SLC5A10: variants seen among roughly 807,000 people sequenced by gnomAD.
SLC5A10 encodes the protein sodium/mannose cotransporter SLC5A10.
SLC5A10 carries 55 observed loss-of-function variants against 68.9 expected under a neutral mutation model. That is an observed-to-expected ratio of 0.80 (90% confidence interval 0.64 to 1.00). The LOEUF (loss-of-function observed/expected upper bound fraction) is 1.00. Among genes scored for constraint, SLC5A10 ranks in the 50% least tolerant of loss-of-function variants. The pLI is 0.00. For missense variants in SLC5A10, 732 were observed against 819.3 expected (o/e 0.89, Z 1.30); for synonymous variants, 344 against 344.8 (o/e 1.00, Z 0.02).
In SLC5A10 at chr17:19,020,198, TGGGAACTAAAGCA is replaced by T; in HGVS notation, c.1673_1684+1del. The T allele has an allele frequency of 6.2e-7, 1 of 1,609,526 alleles. No individual in the cohort carries two copies. Among genetic ancestry groups the T allele is most frequent in the Non-Finnish European group, 8.5e-7 (1 of 1,177,486 alleles). On this transcript the variant is annotated frameshift_variant and splice_region_variant, in exon 14 of 15. Coordinates refer to ENST00000395645, the MANE Select transcript of SLC5A10 (RefSeq NM_001042450.4). LOFTEE classifies it low-confidence loss of function (END_TRUNC). ...TGGACCCTGGCTCAGGATGTGCCCT[TGGGAACTAAAGCA>T]GGTAAGTGGATGACCCTAGGCACTC...
At position 19,020,478 on chromosome 17, in the gene SLC5A10, C is replaced by T. The variant is rs1236108144; in HGVS notation, c.*47C>T. ...GGCAGGAGCTCTGAGTCCTCAGGTC[C>T]ACCCATTTCCCTCATGGGGATCCCG... On this transcript the variant is annotated 3_prime_UTR_variant, in exon 15 of 15. Transcript: ENST00000395645. 2 of 1,575,030 alleles carry T rather than the reference C, an allele frequency of 1.3e-6. No individual in the cohort carries two copies. The highest frequency in any genetic ancestry group is 1.7e-6 in the Non-Finnish European group (2 of 1,147,458).
intron 9 of SLC5A10, among the ~76,000 whole-genome samples, chr17:18,990,435 C>G (rs958555699): frequency 5.3e-5 from 8 of 152,212 alleles, no homozygotes; most frequent in African/African-American, 1.9e-4. Context: ...TCTGAGCAGG[C>G]AAACAGCCTC....
chr17:19,019,681 A>AT, intron 12 of SLC5A10, 32 bp from the exon 13 acceptor site: 2 of 1,603,876 alleles, frequency 1.2e-6, no homozygotes, highest in Non-Finnish European at 1.7e-6. Flanking sequence ...CTCCTCCCGT[A>AT]GCCCCACATG....
At position 18,958,406 on chromosome 17, in the gene SLC5A10, T is replaced by C. The variant is rs1001846893; in HGVS notation, c.112-276T>C. ...CTGAATAATATTTCTTTATATAGGA[T>C]ATACCACATTTTGTTTATTTACTCA... On this transcript the variant is annotated intron_variant, in intron 1 of 14. Transcript: ENST00000395645. Among the ~76,000 whole-genome samples the C allele has an allele frequency of 2.0e-5, 3 of 152,258 alleles. 1 individual carries two copies. In the South Asian group the frequency reaches 6.2e-4, roughly 31 times the overall value.
chr17:19,003,387 G>T lies in SLC5A10; in HGVS notation c.983-10023G>T. 2.0e-6 allele frequency: 2 copies of T among 985,950 alleles called. No homozygotes were observed. The highest frequency in any genetic ancestry group is 2.7e-6 in the Non-Finnish European group (2 of 732,202). The allele number at this position is 985,950 out of a possible 1,614,324, so 61.1% of individuals were successfully genotyped here. On this transcript the variant is annotated intron_variant, in intron 9 of 14. Transcript: ENST00000395645. The surrounding 1 kb of genome is among the most constrained non-coding windows in gnomAD (Gnocchi z 4.5). ...TGGGGAGGAAACCTCCACCCAAGAG[G>T]CAGCCAGGGAAAACAGCAGAGATCC...
At chr17:18,979,460 C>G in intron 9 of SLC5A10, 1 of 1,501,340 alleles carries the variant, frequency 6.7e-7, no homozygotes, top group Non-Finnish European at 9.0e-7. Context: ...ACCAATGAAC[C>G]GGAATAACCA....
Position 18,978,112 on chromosome 17 carries a change from C to T in SLC5A10, c.982+1123C>T, listed in dbSNP as rs763753046. On this transcript the variant is annotated intron_variant, in intron 9 of 14. Transcript: ENST00000395645. The stretch of plus-strand genomic sequence containing the variant: ...GGACCCAGCCAATATCACTGCTGTC[C>T]CGGGCTAGTACATCTGCCACAGGGA... The T allele has an allele frequency of 2.6e-6, 4 of 1,517,354 alleles. No individual in the cohort carries two copies. In the Admixed American group the frequency reaches 8.7e-5, roughly 33 times the overall value. The allele number at this position is 1,517,354 out of a possible 1,614,324, so 94.0% of individuals were successfully genotyped here. A position where few individuals can be genotyped will look rare whatever the true frequency, so the allele number is the denominator to read the frequency against.
chr17:18,976,374 G>C (rs2042981279), intron 8 of SLC5A10: 1 of 153,670 alleles, frequency 6.5e-6, no homozygotes. Context: ...CTCTGCTACT[G>C]AACTGCAAGC....
chr17:19,019,500 T>C lies in SLC5A10; in HGVS notation c.1319T>C (p.Phe440Ser). 3 of 1,612,518 alleles carry C rather than the reference T, an allele frequency of 1.9e-6. No homozygotes were observed. Among genetic ancestry groups the C allele is most frequent in the Non-Finnish European group, 2.5e-6 (3 of 1,179,932 alleles). The change falls in exon 12 of 15, where the codon TTC becomes TCC. Residue 440 changes from phenylalanine to serine, a missense_variant. Transcript: ENST00000395645. ...VLQDSNSGQL[F>S]IYMQSVTSSL... The stretch of plus-strand genomic sequence containing the variant: ...CAGGACTCCAACAGCGGGCAACTCT[T>C]CATCTACATGCAGTCAGTGACCAGC...
intron 11 of SLC5A10, chr17:19,019,152 G>C (rs970227370): frequency 1.4e-5 from 6 of 436,786 alleles, no homozygotes; most frequent in African/African-American, 1.2e-4. Flanking sequence ...GGAGCTCCAA[G>C]GGCTGGCTCC....
At chr17:18,969,699 C>G (rs923138774) in intron 7 of SLC5A10, 3 of 403,914 alleles carry the variant, frequency 7.4e-6, no homozygotes, top group Non-Finnish European at 1.3e-5. Flanking sequence ...GCCAGCCACA[C>G]CCGCATTGGC....
chr17:19,014,125 G>A (rs754611810), intron 10 of SLC5A10, among the ~76,000 whole-genome samples: 47 of 152,210 alleles, frequency 3.1e-4, no homozygotes, highest in Middle Eastern at 6.3e-3. Context: ...TGTGCCTTCC[G>A]GGCAGGGGGG....
At position 19,003,845 on chromosome 17, in the gene SLC5A10, C is replaced by A; in HGVS notation, c.983-9565C>A. ...GTACACCTCGATGGTCTCCAGGATG[C>A]GCTTGAGCTCCAGCTCCGAGAGGAA... On this transcript the variant is annotated intron_variant, in intron 9 of 14. Coordinates refer to ENST00000395645, the MANE Select transcript of SLC5A10 (RefSeq NM_001042450.4). The surrounding 1 kb of genome is among the most constrained non-coding windows in gnomAD (Gnocchi z 4.5). 6.2e-7 allele frequency: 1 copy of A among 1,613,030 alleles called. No homozygotes were observed. The highest frequency in any genetic ancestry group is 1.7e-5 in the Admixed American group (1 of 60,020).
At position 18,971,568 on chromosome 17, in the gene SLC5A10, G is replaced by A. The variant is rs781180937; in HGVS notation, c.846+350G>A. ...AGTCTTGGGCTGCCGGGATCCGGAA[G>A]CAGGCGGGGTACCTGACCTCCCTTG... On this transcript the variant is annotated intron_variant, in intron 8 of 14. Transcript: ENST00000395645. The surrounding 1 kb of genome is among the most constrained non-coding windows in gnomAD (Gnocchi z 5.5). 6 of 1,613,788 alleles carry A rather than the reference G, an allele frequency of 3.7e-6. No homozygotes were observed. The highest frequency in any genetic ancestry group is 2.2e-5 in the South Asian group (2 of 91,078).
rs199657397 is a variant in SLC5A10 at position 18,988,352 on chromosome 17, G to A, written c.982+11363G>A. 1.8e-4 allele frequency: 285 copies of A among 1,614,212 alleles called. 1 individual carries two copies. In the East Asian group the frequency reaches 3.1e-3, roughly 17 times the overall value. ...ACACGGCCACTTTCCTCTTGAAGCC[G>A]GCGTCCAGCAGGTCCTTGAAGATGT... On this transcript the variant is annotated intron_variant, in intron 9 of 14. Transcript: ENST00000395645.
At chr17:18,984,039 C>T (rs565875283) in intron 9 of SLC5A10, among the ~76,000 whole-genome samples, 4 of 152,292 alleles carry the variant, frequency 2.6e-5, no homozygotes, top group East Asian at 3.9e-4. Flanking sequence ...GTGAATCCCC[C>T]CCGTTTGAGA....
In SLC5A10 at chr17:18,971,522, A is replaced by T. The variant is rs994987012; in HGVS notation, c.846+304A>T. Reference sequence around the variant, plus strand: ...CTCCTCGGTGGCCCTGCCATCGGTCATGGGGCGGGCATTTTGGGCCAGTCT... The same window carrying T: ...CTCCTCGGTGGCCCTGCCATCGGTCTTGGGGCGGGCATTTTGGGCCAGTCT... On this transcript the variant is annotated intron_variant, in intron 8 of 14. Coordinates refer to ENST00000395645, the MANE Select transcript of SLC5A10 (RefSeq NM_001042450.4). The surrounding 1 kb of genome is among the most constrained non-coding windows in gnomAD (Gnocchi z 5.5). 3.1e-6 allele frequency: 5 copies of T among 1,613,850 alleles called. No homozygotes were observed. In the African/African-American group the frequency reaches 6.7e-5, roughly 22 times the overall value.
intron 9 of SLC5A10, chr17:18,977,693 G>A: frequency 6.2e-7 from 1 of 1,610,506 alleles, no homozygotes; most frequent in Non-Finnish European, 8.5e-7. Context: ...TCCAACAAAG[G>A]TCCCTCGGGT....
intron 6 of SLC5A10, 38 bp downstream of exon 6, chr17:18,969,195 G>C (rs767087906): frequency 2.5e-6 from 4 of 1,604,402 alleles, no homozygotes; most frequent in South Asian, 2.2e-5. Flanking sequence ...CCCAGGGGAC[G>C]TGTAAAGGGG....
Sources: gnomAD v4.1 joint callset for allele counts (sites outside exome capture counted in the v4.1 genomes callset) on GRCh38, gnomAD v4.1.1 for gene constraint, Gnocchi (gnomAD v3.1) non-coding constraint, MANE v1.5 for transcripts, NCBI Gene and HGNC (gene_info 2026-07-23, HGNC 2026-07-21) for gene names.